The following SDHB variants were observed in gnomAD, a reference collection of about 807,000 sequenced individuals.
SDHB encodes the protein succinate dehydrogenase complex iron sulfur subunit B.
A neutral mutation model predicts 39.7 loss-of-function variants in SDHB; 21 were observed. The observed-to-expected ratio is 0.53, with a 90% CI of 0.37 to 0.76. The LOEUF (loss-of-function observed/expected upper bound fraction) is 0.76, where lower values mean the gene tolerates loss of function less well. Ranked by LOEUF, SDHB falls within the 30% of genes least tolerant of loss-of-function variation. The probability of loss-of-function intolerance (pLI) is 0.00; values close to 1 mark genes in which losing one functional copy is unlikely to be tolerated. For missense variants in SDHB, 343 were observed against 350.9 expected (o/e 0.98, Z 0.18); for synonymous variants, 118 against 117.0 (o/e 1.01, Z -0.06).
At chr1:17,038,252 G>C (rs1040349496) in intron 2 of SDHB, among the ~76,000 whole-genome samples, 2 of 152,188 alleles carry the variant, frequency 1.3e-5, no homozygotes, top group African/African-American at 4.8e-5. Context: ...ATGAGAGACA[G>C]TTTTACTTCT....
intron 3 of SDHB, among the ~76,000 whole-genome samples, chr1:17,029,091 CTGT>C (rs1248427416): frequency 4.3e-3 from 318 of 74,784 alleles, no homozygotes; most frequent in African/African-American, 0.011. Context: ...AAAAATCAGC[CTGT>C]TTTTTTTTTT....
chr1:17,047,681 TA>T lies in SDHB; in HGVS notation c.73-2794del, dbSNP rs375234539. Among the ~76,000 whole-genome samples the T allele has an allele frequency of 7.7e-3, 1,020 of 132,908 alleles. 8 individuals carry two copies. Among genetic ancestry groups the T allele is most frequent in the South Asian group, 0.035 (141 of 4,086 alleles). 87.2% of individuals were successfully genotyped at this position (132,908 alleles called of 152,430 possible). On this transcript the variant is annotated intron_variant, in intron 1 of 7. Transcript: ENST00000375499. ...CTGGGTGACAAAGTGAAACTCAAGC[TA>T]AAAAAAAAAAAAAAAGAGAGAGAGT...
chr1:17,037,094 G>A (rs1415651641), intron 2 of SDHB, among the ~76,000 whole-genome samples: 1 of 151,822 alleles, frequency 6.6e-6, no homozygotes, highest in African/African-American at 2.4e-5. Context: ...TTTCAGAGTC[G>A]GATTAGAAGG....
chr1:17,023,224 C>T (rs2746473), intron 6 of SDHB: 3,523 of 269,668 alleles, frequency 0.013, 133 homozygotes, highest in African/African-American at 0.073. Context: ...CAGGCTGAAA[C>T]GAGTTAATCA....
chr1:17,028,748 A>G lies in SDHB; in HGVS notation c.287-12T>C, dbSNP rs747263813. On this transcript the variant is annotated splice_polypyrimidine_tract_variant and intron_variant, in intron 3 of 7. Transcript: ENST00000375499. Reference sequence around the variant, plus strand: ...AGAGCCACAGATGCCTGAAAGAGACACACATTTAACACATCCTCACCCATA... The same window carrying G: ...AGAGCCACAGATGCCTGAAAGAGACGCACATTTAACACATCCTCACCCATA... 2.5e-6 allele frequency: 4 copies of G among 1,613,294 alleles called. No individual in the cohort carries two copies. Among genetic ancestry groups the G allele is most frequent in the Non-Finnish European group, 3.4e-6 (4 of 1,180,006 alleles).
rs551631190 is a variant in SDHB at position 17,025,302 on chromosome 1, T to C, written c.541-1228A>G. Among the ~76,000 whole-genome samples, 151 of 152,180 alleles carry C rather than the reference T, an allele frequency of 9.9e-4. 1 individual carries two copies. The highest frequency in any genetic ancestry group is 1.0e-3 in the Non-Finnish European group (69 of 68,018). On this transcript the variant is annotated intron_variant, in intron 5 of 7. Coordinates refer to ENST00000375499, the MANE Select transcript of SDHB (RefSeq NM_003000.3). ...GTGAAAAAAGCAGGATATAAAAGCA[T>C]ATTTACATTTTGATCCCAGCTACAT... is the stretch of plus-strand genomic sequence containing the variant.
At chr1:17,021,913 T>C (rs1190208252) in intron 7 of SDHB, among the ~76,000 whole-genome samples, 1 of 152,254 alleles carries the variant, frequency 6.6e-6, no homozygotes, top group Non-Finnish European at 1.5e-5. Context: ...AATTCTGTGA[T>C]AGTACCACAA....
rs1557741131 is a variant in SDHB, at chr1:17,027,823, A to G, written c.466T>C (p.Tyr156His). 2 of 1,613,282 alleles carry G rather than the reference A, an allele frequency of 1.2e-6. No homozygotes were observed. Among genetic ancestry groups the G allele is most frequent in the Non-Finnish European group, 8.5e-7 (1 of 1,179,312 alleles). The change falls in exon 5 of 8, where the codon TAT (tyrosine) becomes CAT (histidine). Residue 156 changes from tyrosine to histidine, a missense_variant. By Grantham distance (83) the Tyr-to-His change is moderately conservative. Transcript: ENST00000375499. Reference protein sequence around the residue: ...FYAQYKSIEPYLKKKDESQEG... With the variant: ...FYAQYKSIEPHLKKKDESQEG... Reference sequence around the variant, plus strand: ...TGAGATTCATCCTTCTTCTTCAAATAAGGCTCAATGGATTTGTACTGTGCA... The same window carrying G: ...TGAGATTCATCCTTCTTCTTCAAATGAGGCTCAATGGATTTGTACTGTGCA...
intron 3 of SDHB, 168 bp downstream of exon 3, chr1:17,032,892 G>A (rs770724310): frequency 2.9e-6 from 2 of 683,622 alleles, no homozygotes; most frequent in Admixed American, 2.2e-5. Context: ...CTTGCACCAT[G>A]GTTAGAATTT....
In SDHB at chr1:17,027,860, C is replaced by A; in HGVS notation, c.429G>T (p.Leu143Phe). 6.3e-7 allele frequency: 1 copy of A among 1,579,850 alleles called. No homozygotes were observed. The highest frequency in any genetic ancestry group is 1.1e-5 in the South Asian group (1 of 90,328). The change falls in exon 5 of 8, where the codon TTG becomes TTT. Residue 143 changes from leucine to phenylalanine, a missense_variant. Physicochemically the swap from Leu to Phe is conservative, Grantham distance 22 (BLOSUM62 0). Coordinates refer to ENST00000375499, the MANE Select transcript of SDHB (RefSeq NM_003000.3). ...ATTTGTACTGTGCATAGAAGTTGCT[C>A]AAATCCTGTGGTTAAGAGGAAGAAG... ...MYVIKDLVPD[L>F]SNFYAQYKSI...
In SDHB at chr1:17,051,686, G is replaced by T. The variant is rs142231348; in HGVS notation, c.72+2262C>A. 4.8e-5 allele frequency among the ~76,000 whole-genome samples: 6 copies of T among 124,552 alleles called. No homozygotes were observed. In the East Asian group the frequency reaches 2.0e-3, roughly 41 times the overall value. 81.7% of individuals were successfully genotyped at this position (124,552 alleles called of 152,430 possible). On this transcript the variant is annotated intron_variant, in intron 1 of 7. Coordinates refer to ENST00000375499, the MANE Select transcript of SDHB (RefSeq NM_003000.3). ...GGTAGTATTAATATCTGCCTCATAA[G>T]ATAACCCGGGGGAGGGGGGGTCAAG...
Position 17,024,051 on chromosome 1 carries a change from G to A in SDHB, c.564C>T (p.Leu188=), listed in dbSNP as rs776487215. The change falls in exon 6 of 8, where the codon CTC becomes CTT. Residue 188 remains leucine (L), a synonymous_variant. Transcript: ENST00000375499. ...EKLDGLYECI[L]CACCSTSCPS... is the part of the protein sequence containing the mutation. ...GGCAGCTGGTGCTACAGCAGGCACA[G>A]AGAATGCACTCGTAGAGCCCGTCCT... The A allele has an allele frequency of 1.2e-6, 2 of 1,613,740 alleles. No homozygotes were observed. Among genetic ancestry groups the A allele is most frequent in the South Asian group, 1.1e-5 (1 of 91,074 alleles).
chr1:17,046,528 C>T (rs1216205072), intron 1 of SDHB, among the ~76,000 whole-genome samples: 4 of 152,084 alleles, frequency 2.6e-5, no homozygotes, highest in Admixed American at 2.6e-4. Context: ...AAACATAAGT[C>T]CCCTTTTCCT....
rs529445043 is a variant in SDHB, at chr1:17,022,863, A to C, written c.643-133T>G. On this transcript the variant is annotated intron_variant, in intron 6 of 7. Transcript: ENST00000375499. Reference sequence around the variant, plus strand: ...TAGATGCCTCATCTCCATACTCTTTAATTCTTGTCCATCTTTCAAGGAAAG... The same window carrying C: ...TAGATGCCTCATCTCCATACTCTTTCATTCTTGTCCATCTTTCAAGGAAAG... 9 of 1,114,866 alleles carry C rather than the reference A, an allele frequency of 8.1e-6. No individual in the cohort carries two copies. In the African/African-American group the frequency reaches 1.4e-4, roughly 17 times the overall value. 69.1% of individuals were successfully genotyped at this position (1,114,866 alleles called of 1,614,324 possible).
Position 17,044,758 on chromosome 1 carries a change from C to G in SDHB, c.200+3G>C, listed in dbSNP as rs876659330. 1 of 1,614,024 alleles carries G rather than the reference C, an allele frequency of 6.2e-7. No individual in the cohort carries two copies. Among genetic ancestry groups the G allele is most frequent in the Non-Finnish European group, 8.5e-7 (1 of 1,179,920 alleles). On this transcript the variant is annotated splice_donor_region_variant and intron_variant, in intron 2 of 7. Coordinates refer to ENST00000375499, the MANE Select transcript of SDHB (RefSeq NM_003000.3). ...AATAGCTGGCTTTCACAGAGATACT[C>G]ACTTATTAAGGTCAACTTCATAAGT...
intron 3 of SDHB, among the ~76,000 whole-genome samples, chr1:17,030,549 T>C (rs1033394994): frequency 4.6e-5 from 7 of 152,194 alleles, no homozygotes; most frequent in African/African-American, 1.4e-4. Flanking sequence ...TTCCTGTATA[T>C]GGAAATTTCC....
intron 2 of SDHB, among the ~76,000 whole-genome samples, chr1:17,043,599 C>T (rs2078093149): frequency 6.6e-6 from 1 of 152,168 alleles, no homozygotes; most frequent in African/African-American, 2.4e-5. Context: ...TGGAGTGGAG[C>T]AGCAGGAGGC....
chr1:17,049,641 C>G (rs1412412752), intron 1 of SDHB, among the ~76,000 whole-genome samples: 1 of 98,944 alleles, frequency 1.0e-5, no homozygotes, highest in African/African-American at 4.3e-5. Context: ...GCATAATCCC[C>G]TAGTTCTTTT....
chr1:17,051,321 T>A (rs1162598643), intron 1 of SDHB, among the ~76,000 whole-genome samples: 1 of 152,168 alleles, frequency 6.6e-6, no homozygotes, highest in African/African-American at 2.4e-5. Flanking sequence ...TTTCATAGTT[T>A]ATAATTTAAG....
Sources: gnomAD v4.1 joint callset for allele counts (sites outside exome capture counted in the v4.1 genomes callset) on GRCh38, gnomAD v4.1.1 for gene constraint, MANE v1.5 for transcripts, NCBI Gene and HGNC (gene_info 2026-07-23, HGNC 2026-07-21) for gene names.